SGTA: variants seen among roughly 807,000 people sequenced by gnomAD.
SGTA encodes small glutamine-rich tetratricopeptide repeat-containing protein alpha.
In SGTA, 22 loss-of-function variants were observed where a neutral mutation model predicts 44.3. The ratio of observed to expected loss-of-function variants is 0.50; its 90% CI spans 0.36 to 0.71. The LOEUF (loss-of-function observed/expected upper bound fraction) is 0.71, where lower values mean the gene tolerates loss of function less well. SGTA is among the 30% of genes least tolerant of loss of function. The probability of loss-of-function intolerance (pLI) is 0.00; values close to 1 mark genes in which losing one functional copy is unlikely to be tolerated. For missense variants in SGTA, 341 were observed against 435.9 expected (o/e 0.78, Z 1.94); for synonymous variants, 174 against 177.6 (o/e 0.98, Z 0.16).
rs1246841652 is a variant in SGTA at position 2,765,546 on chromosome 19, C to CT, written c.293-262dup. 5.9e-5 allele frequency among the ~76,000 whole-genome samples: 9 copies of CT among 152,146 alleles called. No homozygotes were observed. The highest frequency in any genetic ancestry group is 1.0e-4 in the Non-Finnish European group (7 of 68,030). ...CGGCAGGGCCTGGCCTGGCCTGTGC[C>CT]TGGCGACGGTGGCTGTCACTGCCTG... On this transcript the variant is annotated intron_variant, in intron 4 of 11. Transcript: ENST00000221566. This position sits in a 1 kb window ranked among gnomAD's most constrained non-coding sequence, Gnocchi z 5.5.
At chr19:2,772,839 G>A (rs1915347337) in intron 1 of SGTA, among the ~76,000 whole-genome samples, 1 of 126,228 alleles carries the variant, frequency 7.9e-6, no homozygotes, top group Non-Finnish European at 1.6e-5. Context: ...GGGACACCGA[G>A]GGCAGAGGTG....
Position 2,755,877 on chromosome 19 carries a change from CAACCAG to C in SGTA, c.*57_*62del, listed in dbSNP as rs1302540340. The C allele has an allele frequency of 2.1e-5, 21 of 985,536 alleles. No homozygotes were observed. In the Admixed American group the frequency reaches 1.3e-3, roughly 61 times the overall value. The allele number at this position is 985,536 out of a possible 1,614,324, so 61.0% of individuals were successfully genotyped here. Reference sequence around the variant, plus strand: ...CAGTCCAACAGGAGGAAGTGGCAGACAACCAGAAGGCTTCCTTCGGGTCGGCCAGGG... The same window carrying C: ...CAGTCCAACAGGAGGAAGTGGCAGACAAGGCTTCCTTCGGGTCGGCCAGGG... On this transcript the variant is annotated 3_prime_UTR_variant, in exon 12 of 12. Coordinates refer to ENST00000221566, the MANE Select transcript of SGTA (RefSeq NM_003021.4). The surrounding 1 kb of genome is among the most constrained non-coding windows in gnomAD (Gnocchi z 5.2).
At chr19:2,775,943 T>C (rs762654708) in intron 1 of SGTA, among the ~76,000 whole-genome samples, 2 of 152,154 alleles carry the variant, frequency 1.3e-5, no homozygotes, top group Non-Finnish European at 2.9e-5. Context: ...GGGATGGTAA[T>C]GAGTTTTCCG....
Position 2,767,218 on chromosome 19 carries a change from C to T in SGTA, c.210G>A (p.Glu70=), listed in dbSNP as rs1233780514. ...CGGGGCTCCTCAGGTCCTGCGGCATCTCCTGGACCCGGAGGCAAAGGCGGC... is the reference window on the plus strand; with the variant it reads ...CGGGGCTCCTCAGGTCCTGCGGCATTTCCTGGACCCGGAGGCAAAGGCGGC... ...EIFEAAATGK[E]MPQDLRSPAR... is the part of the protein sequence containing the mutation. The change falls in exon 4 of 12, where the codon GAG becomes GAA. Residue 70 remains glutamate, a splice_region_variant and synonymous_variant. Transcript: ENST00000221566. This position sits in a 1 kb window ranked among gnomAD's most constrained non-coding sequence, Gnocchi z 7.3. 2 of 1,608,782 alleles carry T rather than the reference C, an allele frequency of 1.2e-6. No individual in the cohort carries two copies. The highest frequency in any genetic ancestry group is 2.7e-5 in the African/African-American group (2 of 74,954).
chr19:2,768,682 C>A (rs1480419253), intron 2 of SGTA, among the ~76,000 whole-genome samples: 2 of 152,198 alleles, frequency 1.3e-5, no homozygotes, highest in Non-Finnish European at 2.9e-5. Context: ...CAGAACACAC[C>A]TTGGTGGAAG....
chr19:2,762,419 C>G, intron 7 of SGTA, 87 bp downstream of exon 7: 2 of 1,402,948 alleles, frequency 1.4e-6, no homozygotes, highest in South Asian at 1.2e-5. Context: ...CAGGTTAAGC[C>G]TAGAGCCACT....
chr19:2,759,341 T>A, intron 8 of SGTA, 47 bp from the exon 9 acceptor site: 1 of 1,557,430 alleles, frequency 6.4e-7, no homozygotes, highest in Non-Finnish European at 8.9e-7. Context: ...TCCCAGCGCA[T>A]CATTCTCTTT....
intron 1 of SGTA, among the ~76,000 whole-genome samples, chr19:2,769,792 C>T (rs903243777): frequency 2.0e-5 from 3 of 147,856 alleles, no homozygotes; most frequent in Non-Finnish European, 4.5e-5. Context: ...CTCGGACACC[C>T]GCCTGGTTCC....
chr19:2,776,099 T>C (rs543117580), intron 1 of SGTA, among the ~76,000 whole-genome samples: 21 of 152,132 alleles, frequency 1.4e-4, no homozygotes, highest in African/African-American at 4.3e-4. Flanking sequence ...CACCAGAAAG[T>C]GAAACCACAA....
chr19:2,767,414 T>G lies in SGTA; in HGVS notation c.207+166A>C, dbSNP rs1239624941. On this transcript the variant is annotated intron_variant, in intron 3 of 11. Coordinates refer to ENST00000221566, the MANE Select transcript of SGTA (RefSeq NM_003021.4). The surrounding 1 kb of genome is among the most constrained non-coding windows in gnomAD (Gnocchi z 7.3). ...CGCTATGTGTCTCAGGACCCGCCGA[T>G]AGGGGGAGGAGGGCCAAGTGCTCCT... 1.3e-5 allele frequency among the ~76,000 whole-genome samples: 2 copies of G among 152,102 alleles called. No individual in the cohort carries two copies. The highest frequency in any genetic ancestry group is 2.1e-4 in the South Asian group (1 of 4,830).
intron 1 of SGTA, among the ~76,000 whole-genome samples, chr19:2,775,349 C>T (rs538436214): frequency 2.6e-5 from 4 of 152,316 alleles, no homozygotes; most frequent in East Asian, 3.9e-4. Context: ...GCTGCCTGAC[C>T]GCATAACCCA....
chr19:2,757,385 C>T lies in SGTA; in HGVS notation c.900G>A (p.Arg300=). ...CGTTGCTGGCGCTGGGCGTCCGACTCCGGATCTGGCTCCTGAGCTGCTCTA... is the reference window on the plus strand; with the variant it reads ...CGTTGCTGGCGCTGGGCGTCCGACTTCGGATCTGGCTCCTGAGCTGCTCTA... ...ELIEQLRSQI[R]SRTPSASNDD... The change falls in exon 11 of 12, where the codon CGG becomes CGA. Residue 300 remains arginine (R), a synonymous_variant. Coordinates refer to ENST00000221566, the MANE Select transcript of SGTA (RefSeq NM_003021.4). 1 of 1,607,138 alleles carries T rather than the reference C, an allele frequency of 6.2e-7. No individual in the cohort carries two copies. The highest frequency in any genetic ancestry group is 8.5e-7 in the Non-Finnish European group (1 of 1,179,918).
chr19:2,772,028 G>A (rs1032289429), intron 1 of SGTA, among the ~76,000 whole-genome samples: 6 of 152,252 alleles, frequency 3.9e-5, no homozygotes, highest in South Asian at 2.1e-4. Context: ...ACAGGGTGGC[G>A]GGGCTGTGTG....
chr19:2,769,127 C>T (rs968021007), intron 1 of SGTA, 36 bp from the exon 2 acceptor site: 10 of 1,332,638 alleles, frequency 7.5e-6, no homozygotes, highest in African/African-American at 1.4e-5. Context: ...CAGGCCCCCT[C>T]ACACTCCCCA....
chr19:2,764,603 C>T (rs1210157728), intron 5 of SGTA, among the ~76,000 whole-genome samples: 1 of 151,580 alleles, frequency 6.6e-6, no homozygotes, highest in Admixed American at 6.6e-5. Flanking sequence ...GAGACAGAGT[C>T]TCCCTGTCAC....
chr19:2,779,145 A>C (rs1915514096), intron 1 of SGTA, among the ~76,000 whole-genome samples: 1 of 152,164 alleles, frequency 6.6e-6, no homozygotes. Flanking sequence ...ATGGCCACTA[A>C]GTGGGAAGAA....
chr19:2,780,048 C>T (rs760740886), intron 1 of SGTA, among the ~76,000 whole-genome samples: 2 of 152,038 alleles, frequency 1.3e-5, no homozygotes. Context: ...GTGATTGGGC[C>T]CTGCACTCCA....
chr19:2,781,555 C>A (rs1334306104), intron 1 of SGTA, among the ~76,000 whole-genome samples: 2 of 152,140 alleles, frequency 1.3e-5, no homozygotes, highest in Non-Finnish European at 2.9e-5. Context: ...TTTGCTGATA[C>A]CTTGCCTGGT....
At chr19:2,759,504 T>C in intron 8 of SGTA, 1 of 571,288 alleles carries the variant, frequency 1.8e-6, no homozygotes, top group Non-Finnish European at 3.1e-6. Flanking sequence ...ACTTAAATCC[T>C]GTTTTGGGTT....
Sources: allele counts gnomAD v4.1 joint callset (sites outside exome capture counted in the v4.1 genomes callset), GRCh38; gene constraint gnomAD v4.1.1; non-coding constraint Gnocchi (gnomAD v3.1); transcripts MANE v1.5; gene names NCBI Gene and HGNC (gene_info 2026-07-23, HGNC 2026-07-21).